Variants in SUN1 observed in about 807,000 individuals in gnomAD.
SUN1 encodes the protein SUN domain-containing protein 1.
SUN1 carries 61 observed loss-of-function variants against 103.2 expected under a neutral mutation model. The ratio of observed to expected loss-of-function variants is 0.59; its 90% CI spans 0.48 to 0.73. The LOEUF (loss-of-function observed/expected upper bound fraction) is 0.73, where lower values mean the gene tolerates loss of function less well. Ranked by LOEUF, SUN1 falls within the 30% of genes least tolerant of loss-of-function variation. The pLI is 0.00. For missense variants in SUN1, 1,052 were observed against 1,034.6 expected (o/e 1.02, Z -0.23); for synonymous variants, 490 against 425.7 (o/e 1.15, Z -1.86).
chr7:866,087 C>A lies in SUN1; in HGVS notation c.1980+20C>A. On this transcript the variant is annotated intron_variant, in intron 16 of 18. Transcript: ENST00000401592. ...ATCCAGGTGAGTGGCCGCCGGTGGCCGGAGCTGCTCCTCTTCAGCATGGAC... is the reference window on the plus strand; with the variant it reads ...ATCCAGGTGAGTGGCCGCCGGTGGCAGGAGCTGCTCCTCTTCAGCATGGAC... The A allele has an allele frequency of 9.3e-6, 15 of 1,605,622 alleles. No homozygotes were observed. The highest frequency in any genetic ancestry group is 1.3e-5 in the Non-Finnish European group (15 of 1,172,480).
intron 5 of SUN1, among the ~76,000 whole-genome samples, chr7:844,937 C>A (rs569169015): frequency 2.6e-5 from 4 of 152,174 alleles, no homozygotes; most frequent in Admixed American, 1.3e-4. Context: ...TGAGCCGTGG[C>A]GTAGCTTAAT....
In SUN1 at chr7:873,345, T is replaced by C. The variant is rs1331409447; in HGVS notation, c.*14T>C. On this transcript the variant is annotated 3_prime_UTR_variant, in exon 19 of 19. Coordinates refer to ENST00000401592, the MANE Select transcript of SUN1 (RefSeq NM_001130965.3). Reference sequence around the variant, plus strand: ...CCTGTCAAGTGAAGACACTACTCATTATTTTTGTACATTTTTGTATATACT... The same window carrying C: ...CCTGTCAAGTGAAGACACTACTCATCATTTTTGTACATTTTTGTATATACT... 15 of 1,608,088 alleles carry C rather than the reference T, an allele frequency of 9.3e-6. No individual in the cohort carries two copies. The highest frequency in any genetic ancestry group is 1.3e-5 in the Non-Finnish European group (15 of 1,174,760).
Position 851,990 on chromosome 7 carries a change from A to G in SUN1, c.798A>G (p.Gly266=), listed in dbSNP as rs370816235. 4.3e-5 allele frequency: 69 copies of G among 1,613,818 alleles called. No individual in the cohort carries two copies. The highest frequency in any genetic ancestry group is 5.6e-5 in the Non-Finnish European group (66 of 1,179,972). ...GAGTGTTCTGGTGGCTGGGGATTGG[A>G]TGGTACCAGTTTGTTACTTTGATTT... is the stretch of plus-strand genomic sequence containing the variant. ...ASGVFWWLGI[G]WYQFVTLISW... The change falls in exon 7 of 19, where the codon GGA becomes GGG. Residue 266 remains glycine (G), a synonymous_variant. Coordinates refer to ENST00000401592, the MANE Select transcript of SUN1 (RefSeq NM_001130965.3).
intron 5 of SUN1, chr7:850,778 A>AAC (rs1562689409): frequency 6.7e-6 from 1 of 149,230 alleles, no homozygotes; most frequent in African/African-American, 2.5e-5. Context: ...AAAAAAAAAA[A>AAC]AAAACAAAAA....
chr7:817,546 G>T, intron 1 of SUN1: 1 of 1,532,608 alleles, frequency 6.5e-7, no homozygotes, highest in South Asian at 1.2e-5. Context: ...GCAGCTTGTG[G>T]TTGCTGCGTC....
chr7:843,767 G>C, intron 5 of SUN1: 1 of 1,427,224 alleles, frequency 7.0e-7, no homozygotes. Context: ...GTGAGCAAAA[G>C]AAAATTTCTA....
At chr7:866,177 T>G in intron 16 of SUN1, 110 bp downstream of exon 16, 1 of 904,538 alleles carries the variant, frequency 1.1e-6, no homozygotes, top group South Asian at 1.5e-5. Flanking sequence ...AACACGTCTG[T>G]GGAACTGGTA....
chr7:859,540 G>T (rs1272172791), intron 13 of SUN1, among the ~76,000 whole-genome samples: 5 of 152,354 alleles, frequency 3.3e-5, no homozygotes, highest in African/African-American at 1.2e-4. Flanking sequence ...TTGTTAGGGG[G>T]TGTGGGCTAG....
intron 13 of SUN1, 23 bp from the exon 14 acceptor site, chr7:860,105 G>C: frequency 6.2e-7 from 1 of 1,610,902 alleles, no homozygotes. Flanking sequence ...TAGGACATTT[G>C]TGTCCGTCTG....
chr7:841,598 A>G (rs1487025757), intron 2 of SUN1, among the ~76,000 whole-genome samples: 1 of 152,176 alleles, frequency 6.6e-6, no homozygotes, highest in Admixed American at 6.5e-5. Context: ...GCAACTTAGA[A>G]ATCGTTTTTA....
upstream of SUN1, among the ~76,000 whole-genome samples, chr7:828,778 T>C (rs891462988): frequency 6.6e-6 from 1 of 152,200 alleles, no homozygotes; most frequent in Non-Finnish European, 1.5e-5. Flanking sequence ...CTAGTGTCGA[T>C]GGCTCTCCAC....
Position 842,916 on chromosome 7 carries a change from A to G in SUN1, c.452-290A>G, listed in dbSNP as rs980447936. ...TGTGCCTTGCTGAGCGGGCTGTGAG[A>G]AGATAGATGGGCTTTCCTCTCCTTC... On this transcript the variant is annotated intron_variant, in intron 3 of 18. Transcript: ENST00000401592. The G allele has an allele frequency of 9.0e-6, 5 of 554,898 alleles. No homozygotes were observed. In the Admixed American group the frequency reaches 1.4e-4, roughly 15 times the overall value. 34.4% of individuals were successfully genotyped at this position (554,898 alleles called of 1,614,324 possible).
upstream of SUN1, among the ~76,000 whole-genome samples, chr7:831,270 G>A (rs1361731907): frequency 2.3e-5 from 3 of 130,704 alleles, no homozygotes; most frequent in Non-Finnish European, 4.8e-5. Context: ...GTTTTGAAAC[G>A]TGCTTTTTTT....
In SUN1 at chr7:838,910, AC is replaced by A; in HGVS notation, c.193del (p.Leu65TrpfsTer19). The A allele has an allele frequency of 6.2e-7, 1 of 1,611,308 alleles. No homozygotes were observed. The highest frequency in any genetic ancestry group is 8.5e-7 in the Non-Finnish European group (1 of 1,179,268). ...TTTGCGCCTGGCCACGACAGCATGC[AC>A]CCTGGGGGATGGTGAGGCTGTGGGT... ...RSLRLATTAC[T>X]LGDGEAVGAD... On this transcript the variant is annotated frameshift_variant, in exon 2 of 19. Transcript: ENST00000401592. LOFTEE classifies it high-confidence loss of function.
In SUN1 at chr7:839,574, G is replaced by A. The variant is rs1369459474; in HGVS notation, c.266+588G>A. ...CAAATTTTCCTTTTTTTTTGAGACA[G>A]AGTCTCACTTCGTTGCCCAGGCTGG... On this transcript the variant is annotated intron_variant, in intron 2 of 18. Transcript: ENST00000401592. 1.3e-4 allele frequency among the ~76,000 whole-genome samples: 6 copies of A among 44,896 alleles called. 2 individuals carry two copies. Among genetic ancestry groups the A allele is most frequent in the African/African-American group, 4.9e-4 (6 of 12,340 alleles). The allele number at this position is 44,896 out of a possible 152,430, so 29.5% of individuals were successfully genotyped here.
At chr7:823,167 A>G (rs538995894) in intron 1 of SUN1, among the ~76,000 whole-genome samples, 11 of 152,336 alleles carry the variant, frequency 7.2e-5, no homozygotes, top group Admixed American at 7.2e-4. Flanking sequence ...TGCAGCGTTC[A>G]CTTGTTCTCC....
chr7:831,647 A>T (rs1319572191), upstream of SUN1, among the ~76,000 whole-genome samples: 2 of 152,210 alleles, frequency 1.3e-5, no homozygotes, highest in Non-Finnish European at 2.9e-5. Context: ...ATATGTAAAC[A>T]ATGGTCTTTA....
At chr7:828,432 C>T (rs1646810354), upstream of SUN1, among the ~76,000 whole-genome samples, 1 of 151,916 alleles carries the variant, frequency 6.6e-6, no homozygotes, top group Non-Finnish European at 1.5e-5. Context: ...CCACCACACC[C>T]AGCTAATTTT....
chr7:816,213 CCA>C (rs143262187), upstream of SUN1: 4,433 of 234,406 alleles, frequency 0.019, 63 homozygotes, highest in Non-Finnish European at 0.025. Context: ...GACCCCTCCC[CCA>C]GGTGCAGACC....
Sources: gnomAD v4.1 joint callset for allele counts (sites outside exome capture counted in the v4.1 genomes callset) on GRCh38, gnomAD v4.1.1 for gene constraint, MANE v1.5 for transcripts, NCBI Gene and HGNC (gene_info 2026-07-23, HGNC 2026-07-21) for gene names.